Variants in NUP85 observed in about 807,000 individuals in gnomAD.
The protein encoded by NUP85 is nuclear pore complex protein Nup85.
NUP85 carries 23 observed loss-of-function variants against 92.8 expected under a neutral mutation model. The ratio of observed to expected loss-of-function variants is 0.25; its 90% CI spans 0.18 to 0.35. The LOEUF is 0.35. Among genes scored for constraint, NUP85 ranks in the 10% least tolerant of loss-of-function variants. The pLI is 1.00. For synonymous variants in NUP85, 314 were observed against 306.9 expected (o/e 1.02, Z -0.24); for missense variants, 759 against 822.8 (o/e 0.92, Z 0.95).
At chr17:75,214,337 G>T (rs990705112) in intron 5 of NUP85, among the ~76,000 whole-genome samples, 1 of 152,128 alleles carries the variant, frequency 6.6e-6, no homozygotes, top group African/African-American at 2.4e-5. Context: ...CTGAAGGATG[G>T]TGAGGAAGGG....
chr17:75,228,004 G>GGAA (rs150930796), intron 11 of NUP85: 4,893 of 166,576 alleles, frequency 0.029, 107 homozygotes, highest in Non-Finnish European at 0.042. Context: ...GTCCCTGCAT[G>GGAA]GAAGAATTAG....
chr17:75,223,050 A>AC (rs1181451168), intron 7 of NUP85, among the ~76,000 whole-genome samples: 4 of 151,776 alleles, frequency 2.6e-5, no homozygotes, highest in African/African-American at 9.7e-5. Context: ...AAAAAAAAAA[A>AC]AAAACTCAGG....
chr17:75,221,475 G>A (rs1326009933), intron 7 of NUP85, among the ~76,000 whole-genome samples: 4 of 151,870 alleles, frequency 2.6e-5, no homozygotes, highest in South Asian at 2.1e-4. Context: ...GCCTCAAGCA[G>A]TCCTGTTGCC....
At chr17:75,212,773 A>G (rs146732966) in intron 4 of NUP85, among the ~76,000 whole-genome samples, 31 of 152,004 alleles carry the variant, frequency 2.0e-4, no homozygotes, top group African/African-American at 5.3e-4. Context: ...CTTTGACATC[A>G]GCCTCCCAAA....
At chr17:75,208,136 T>G (rs1416194721) in intron 1 of NUP85, 1 of 173,336 alleles carries the variant, frequency 5.8e-6, no homozygotes, top group Non-Finnish European at 1.2e-5. Flanking sequence ...TGCTCTTCAC[T>G]TAAAGTGTTT....
Position 75,235,158 on chromosome 17 carries a change from C to T in NUP85, c.1826C>T (p.Ser609Leu). 6.2e-7 allele frequency: 1 copy of T among 1,614,124 alleles called. No individual in the cohort carries two copies. ...ELMRCLEDLT[S>L]RRPVHGESDT... ...ATGCGGTGTCTGGAGGACTTGACGT[C>T]AAGAAGACCTGTGCATGGAGAATCT... The change falls in exon 18 of 19, where the codon TCA becomes TTA. Residue 609 changes from serine to leucine, a missense_variant. Ser to Leu is a moderately radical substitution (Grantham distance 145). Coordinates refer to ENST00000245544, the MANE Select transcript of NUP85 (RefSeq NM_024844.5).
chr17:75,231,593 A>T lies in NUP85; in HGVS notation c.1199A>T (p.Glu400Val). The change falls in exon 13 of 19, where the codon GAG (glutamate) becomes GTG (valine). Residue 400 changes from glutamate to valine, a missense_variant. By Grantham distance (121) the Glu-to-Val change is moderately radical. Transcript: ENST00000245544. The surrounding 1 kb of genome is among the most constrained non-coding windows in gnomAD (Gnocchi z 4.6). ...TCCAGTTTCGGTTCCAACATGAGAG[A>T]GTTCCTCCTGCTGGAGTACGCCTCG... ...HNLYFGSNMR[E>V]FLLLEYASGL... 1 of 1,614,140 alleles carries T rather than the reference A, an allele frequency of 6.2e-7. No homozygotes were observed. The highest frequency in any genetic ancestry group is 8.5e-7 in the Non-Finnish European group (1 of 1,180,028).
intron 6 of NUP85, 94 bp from the exon 7 acceptor site, chr17:75,218,091 C>T: frequency 6.5e-7 from 1 of 1,541,704 alleles, no homozygotes; most frequent in Non-Finnish European, 8.9e-7. Flanking sequence ...ATGTAGTCAG[C>T]TTGTCTGCCT....
rs750432533 is a variant in NUP85 at position 75,234,910 on chromosome 17, C to T, written c.1767+122C>T. The T allele has an allele frequency of 2.4e-5, 30 of 1,246,022 alleles. No homozygotes were observed. The South Asian group carries it at 2.6e-4, about 11-fold the overall frequency. The allele number at this position is 1,246,022 out of a possible 1,614,324, so 77.2% of individuals were successfully genotyped here. On this transcript the variant is annotated intron_variant, in intron 17 of 18. Coordinates refer to ENST00000245544, the MANE Select transcript of NUP85 (RefSeq NM_024844.5). ...GTTCTGCCTGTGCGCGTGTATTCCCCTTAGCGCCCTCTCTGGGATTCCAGA... is the reference window on the plus strand; with the variant it reads ...GTTCTGCCTGTGCGCGTGTATTCCCTTTAGCGCCCTCTCTGGGATTCCAGA...
In NUP85 at chr17:75,232,895, A is replaced by T. The variant is rs1266031718; in HGVS notation, c.1441A>T (p.Asn481Tyr). 1 of 1,614,206 alleles carries T rather than the reference A, an allele frequency of 6.2e-7. No homozygotes were observed. Among genetic ancestry groups the T allele is most frequent in the Admixed American group, 1.7e-5 (1 of 60,026 alleles). Residue 481 changes from asparagine to tyrosine, a missense_variant, in exon 15 of 19, where the codon AAT becomes TAT. Transcript: ENST00000245544. Reference protein sequence around the residue: ...KILAMKAVRNNRLGSALSWSI... With the variant: ...KILAMKAVRNYRLGSALSWSI... ...CTTAGCCATGAAAGCCGTCCGCAAC[A>T]ATCGCCTGGGTTCTGCCCTCTCTTG...
Position 75,225,124 on chromosome 17 carries a change from G to T in NUP85, c.619G>T (p.Gly207Cys), listed in dbSNP as rs1471210188. The change falls in exon 8 of 19, where the codon GGC (glycine) becomes TGC (cysteine). Residue 207 changes from glycine to cysteine, a missense_variant. Transcript: ENST00000245544. ...WNLVTILVLQ[G>C]RLDEARQMLS... ...CCAGGTGACCATCTTGGTGCTGCAG[G>T]GCCGGCTGGATGAGGCCCGACAGAT... 4 of 1,576,698 alleles carry T rather than the reference G, an allele frequency of 2.5e-6. No homozygotes were observed. The highest frequency in any genetic ancestry group is 3.5e-6 in the Non-Finnish European group (4 of 1,158,926).
intron 11 of NUP85, chr17:75,229,192 A>G (rs532012488): frequency 2.0e-6 from 2 of 982,752 alleles, no homozygotes; most frequent in Non-Finnish European, 2.4e-6. Context: ...TGAATCTAGA[A>G]TCTTCTGACT....
At chr17:75,224,845 A>AC (rs397943068) in intron 7 of NUP85, among the ~76,000 whole-genome samples, 3 of 150,586 alleles carry the variant, frequency 2.0e-5, no homozygotes, top group African/African-American at 7.3e-5. Context: ...AAAAAAAAAA[A>AC]GGTGGTCACA....
chr17:75,226,014 C>T lies in NUP85; in HGVS notation c.988-37C>T, dbSNP rs201002266. On this transcript the variant is annotated intron_variant, in intron 10 of 18. Coordinates refer to ENST00000245544, the MANE Select transcript of NUP85 (RefSeq NM_024844.5). ...CCTGCCTGCCCCGAGTCTCTGCTTC[C>T]GTCCTCAGGATTGAGTGTCTCATCA... 83 of 1,610,210 alleles carry T rather than the reference C, an allele frequency of 5.2e-5. 1 individual carries two copies. In the African/African-American group the frequency reaches 8.8e-4, roughly 17 times the overall value.
intron 8 of NUP85, 43 bp from the exon 9 acceptor site, chr17:75,225,298 AG>A (rs1327988143): frequency 4.3e-6 from 7 of 1,612,764 alleles, no homozygotes; most frequent in African/African-American, 4.0e-5. Context: ...CTAAATATAA[AG>A]GGTGTGGATG....
rs1157487423 is a variant in NUP85, at chr17:75,232,988, G to C, written c.1514+20G>C. ...AGACAGGTGGGTGCCGCTAGTGTTG[G>C]CTTCCCAGGGACTGGGTGGTTGAGG... is the stretch of plus-strand genomic sequence containing the variant. On this transcript the variant is annotated intron_variant, in intron 15 of 18. Coordinates refer to ENST00000245544, the MANE Select transcript of NUP85 (RefSeq NM_024844.5). The C allele has an allele frequency of 3.7e-6, 6 of 1,613,516 alleles. No homozygotes were observed. In the East Asian group the frequency reaches 1.1e-4, roughly 30 times the overall value.
chr17:75,219,308 G>A (rs1242265771), intron 7 of NUP85, among the ~76,000 whole-genome samples: 3 of 152,276 alleles, frequency 2.0e-5, no homozygotes, highest in South Asian at 2.1e-4. Flanking sequence ...ACAGGGTTTC[G>A]CTTTGCGGCC....
At chr17:75,213,554 A>G (rs556889960) in intron 5 of NUP85, among the ~76,000 whole-genome samples, 2 of 152,114 alleles carry the variant, frequency 1.3e-5, no homozygotes, top group South Asian at 2.1e-4. Context: ...CGACCTCCCA[A>G]AGTGGTGGGA....
intron 1 of NUP85, 89 bp from the exon 2 acceptor site, chr17:75,208,438 C>T (rs1269355464): frequency 6.4e-6 from 4 of 629,532 alleles, no homozygotes; most frequent in Non-Finnish European, 1.1e-5. Context: ...GAGTCTTTGT[C>T]TCAAAAAAAA....
Sources: gnomAD v4.1 joint callset for allele counts (sites outside exome capture counted in the v4.1 genomes callset) on GRCh38, gnomAD v4.1.1 for gene constraint, Gnocchi (gnomAD v3.1) non-coding constraint, MANE v1.5 for transcripts, NCBI Gene and HGNC (gene_info 2026-07-23, HGNC 2026-07-21) for gene names.